Variants in PCDHA1 observed in about 807,000 individuals in gnomAD.
PCDHA1 encodes protocadherin alpha-1.
PCDHA1 carries 42 observed loss-of-function variants against 61.3 expected under a neutral mutation model. The ratio of observed to expected loss-of-function variants is 0.69; its 90% CI spans 0.54 to 0.89. The LOEUF is 0.89. PCDHA1 is among the 40% of genes least tolerant of loss of function. The pLI is 0.00. For synonymous variants in PCDHA1, 610 were observed against 553.8 expected, an observed-to-expected ratio of 1.10 and a Z score of -1.43; for missense variants, 1,256 against 1,235.3, an observed-to-expected ratio of 1.02 and a Z score of -0.25.
intron 1 of PCDHA1, chr5:140,866,520 T>C (rs1294227332): frequency 6.6e-6 from 1 of 152,150 alleles, no homozygotes; most frequent in Non-Finnish European, 1.5e-5. Context: ...GACTAAGCCA[T>C]GATAGAGCAG....
chr5:140,990,232 C>T (rs983376308), intron 3 of PCDHA1, among the ~76,000 whole-genome samples: 4 of 152,054 alleles, frequency 2.6e-5, no homozygotes, highest in Non-Finnish European at 4.4e-5. Flanking sequence ...TTGTAACTAG[C>T]GTTGTATTCC....
intron 1 of PCDHA1, chr5:140,928,865 A>G: frequency 6.2e-7 from 1 of 1,614,072 alleles, no homozygotes; most frequent in Non-Finnish European, 8.5e-7. Flanking sequence ...CTGTTGAGCA[A>G]CTCTGTCCCT....
chr5:140,899,607 TC>T (rs1301087468), intron 1 of PCDHA1, among the ~76,000 whole-genome samples: 11 of 152,322 alleles, frequency 7.2e-5, no homozygotes, highest in African/African-American at 2.6e-4. Flanking sequence ...GACTTTTGCA[TC>T]AATGTTCATC....
At chr5:140,801,052 C>T (rs782646733) in intron 1 of PCDHA1, 1 of 1,440,518 alleles carries the variant, frequency 6.9e-7, no homozygotes, top group Non-Finnish European at 9.1e-7. Context: ...GAAATAACAG[C>T]GTGCATTACG....
intron 1 of PCDHA1, among the ~76,000 whole-genome samples, chr5:140,966,049 A>AC (rs2095962296): frequency 6.6e-6 from 1 of 152,102 alleles, no homozygotes; most frequent in African/African-American, 2.4e-5. Context: ...ATCGCCAGTA[A>AC]CCCCAGAGCG....
chr5:140,999,822 T>C (rs1389164136), intron 3 of PCDHA1, among the ~76,000 whole-genome samples: 3 of 152,222 alleles, frequency 2.0e-5, no homozygotes, highest in Non-Finnish European at 4.4e-5. Context: ...GAGCTGTGGC[T>C]TTAAAAATAT....
At chr5:140,905,021 G>A (rs1443702216) in intron 1 of PCDHA1, among the ~76,000 whole-genome samples, 1 of 152,078 alleles carries the variant, frequency 6.6e-6, no homozygotes, top group African/African-American at 2.4e-5. Flanking sequence ...TCTTTTCTAT[G>A]CAGAAGCTTT....
chr5:140,848,883 C>G, intron 1 of PCDHA1: 1 of 1,591,194 alleles, frequency 6.3e-7, no homozygotes, highest in Non-Finnish European at 8.6e-7. Context: ...TAACGACAAC[C>G]CTCCAGTGTT....
chr5:140,966,934 G>A (rs782780798), intron 1 of PCDHA1: 6 of 1,604,080 alleles, frequency 3.7e-6, no homozygotes, highest in South Asian at 2.2e-5. Flanking sequence ...CACCCGGCGC[G>A]CTCGTGGGCA....
intron 1 of PCDHA1, among the ~76,000 whole-genome samples, chr5:140,953,471 C>T (rs554082808): frequency 3.9e-5 from 6 of 152,074 alleles, no homozygotes; most frequent in Non-Finnish European, 7.4e-5. Flanking sequence ...TTTTAACTTC[C>T]TCATGCTGTG....
At chr5:140,979,354 A>G (rs1205411040) in intron 2 of PCDHA1, among the ~76,000 whole-genome samples, 1 of 151,576 alleles carries the variant, frequency 6.6e-6, no homozygotes. Context: ...ATTAATACTC[A>G]TGCTTTGAGA....
chr5:140,855,926 G>A lies in PCDHA1; in HGVS notation c.2394+67242G>A, dbSNP rs1420815177. On this transcript the variant is annotated intron_variant, in intron 1 of 3. Transcript: ENST00000504120. ...AGTTTCTCAAGGACTAGGAAGTAGC[G>A]TCATTCTGAGATCTCAGCCATTTCG... is the stretch of plus-strand genomic sequence containing the variant. 2.4e-6 allele frequency: 3 copies of A among 1,256,218 alleles called. 1 individual carries two copies. The highest frequency in any genetic ancestry group is 3.3e-6 in the Non-Finnish European group (3 of 905,286). 77.8% of individuals were successfully genotyped at this position (1,256,218 alleles called of 1,614,324 possible). A position where few individuals can be genotyped will look rare whatever the true frequency, so the allele number is the denominator to read the frequency against.
At chr5:141,007,527 C>T (rs1184006315) in intron 3 of PCDHA1, among the ~76,000 whole-genome samples, 1 of 152,070 alleles carries the variant, frequency 6.6e-6, no homozygotes, top group Non-Finnish European at 1.5e-5. Flanking sequence ...GATATCTCGC[C>T]ACTGCACTCC....
chr5:140,937,911 CAA>C (rs200797202), intron 1 of PCDHA1, among the ~76,000 whole-genome samples: 76 of 117,920 alleles, frequency 6.4e-4, no homozygotes, highest in Admixed American at 7.8e-4. Context: ...GACTCCGTCT[CAA>C]AAAAAAAAAA....
intron 1 of PCDHA1, chr5:140,836,186 A>C (rs2150254902): frequency 6.2e-7 from 1 of 1,613,806 alleles, no homozygotes; most frequent in Non-Finnish European, 8.5e-7. Context: ...ACGCTGACTC[A>C]GGCTACAACG....
intron 1 of PCDHA1, among the ~76,000 whole-genome samples, chr5:140,793,319 C>T (rs1249218509): frequency 1.3e-5 from 2 of 152,182 alleles, no homozygotes; most frequent in East Asian, 3.8e-4. Context: ...TAATTAATTA[C>T]CCATTTCCAT....
At chr5:140,955,590 C>CTT (rs1554221986) in intron 1 of PCDHA1, among the ~76,000 whole-genome samples, 2 of 152,132 alleles carry the variant, frequency 1.3e-5, no homozygotes, top group East Asian at 3.9e-4. Context: ...AAACCTCTTT[C>CTT]TTTTATAAAT....
chr5:140,851,317 G>C, intron 1 of PCDHA1: 1 of 992,602 alleles, frequency 1.0e-6, no homozygotes, highest in Non-Finnish European at 1.2e-6. Flanking sequence ...TTGTTACCTT[G>C]TTAAGTTTGT....
chr5:140,963,570 G>A (rs1011231723), intron 1 of PCDHA1, among the ~76,000 whole-genome samples: 6 of 152,180 alleles, frequency 3.9e-5, no homozygotes, highest in African/African-American at 1.2e-4. Flanking sequence ...TTCTGGTTTT[G>A]TTCTCAAAAT....
Sources: gnomAD v4.1 joint callset for allele counts (sites outside exome capture counted in the v4.1 genomes callset) on GRCh38, gnomAD v4.1.1 for gene constraint, MANE v1.5 for transcripts, NCBI Gene and HGNC (gene_info 2026-07-23, HGNC 2026-07-21) for gene names.